Variants in FARP1 observed in about 807,000 individuals in gnomAD.
FARP1 encodes the protein FERM, ARH/RhoGEF and pleckstrin domain protein 1.
FARP1 carries 52 observed loss-of-function variants against 128.8 expected under a neutral mutation model. That is an observed-to-expected ratio of 0.40 (90% confidence interval 0.32 to 0.51). The LOEUF (loss-of-function observed/expected upper bound fraction) is 0.51, where lower values mean the gene tolerates loss of function less well. Among genes scored for constraint, FARP1 ranks in the 20% least tolerant of loss-of-function variants. The pLI is 0.45. For missense variants in FARP1, 1,333 were observed against 1,367.9 expected (o/e 0.97, Z 0.40); for synonymous variants, 580 against 551.8 (o/e 1.05, Z -0.72).
rs771936999 is a variant in FARP1 at position 98,440,828 on chromosome 13, G to A, written c.2788G>A (p.Ala930Thr). Reference protein sequence around the residue: ...TSVSMVDFSIAVENQLSGNLL... With the variant: ...TSVSMVDFSITVENQLSGNLL... ...CGTCTCCATGGTGGACTTCAGCATC[G>A]CAGTGGAGGTACGCAGGGGCAGGGC... The change falls in exon 24 of 27, where the codon GCA (alanine) becomes ACA (threonine). Residue 930 changes from alanine (A) to threonine (T), a missense_variant. By Grantham distance (58) the Ala-to-Thr change is moderately conservative. Transcript: ENST00000319562. 1.6e-5 allele frequency: 25 copies of A among 1,605,798 alleles called. No individual in the cohort carries two copies. Among genetic ancestry groups the A allele is most frequent in the Middle Eastern group, 1.7e-4 (1 of 6,030 alleles).
At chr13:98,336,965 G>A (rs1396559135) in intron 2 of FARP1, among the ~76,000 whole-genome samples, 1 of 152,186 alleles carries the variant, frequency 6.6e-6, no homozygotes, top group East Asian at 1.9e-4. Context: ...GAACCCTTCA[G>A]GAATATTACG....
chr13:98,273,062 A>G (rs755904791), intron 2 of FARP1, among the ~76,000 whole-genome samples: 19 of 152,184 alleles, frequency 1.2e-4, no homozygotes, highest in Non-Finnish European at 2.2e-4. Context: ...TTGGTTTTGT[A>G]TATTTCAGGG....
chr13:98,395,309 A>G lies in FARP1; in HGVS notation c.1247A>G (p.Lys416Arg). ...AGCTGCCGGCGAGGAAAGGAACCGA[A>G]GGTTTCCGCCGGGGAGCCGGGGTCG... is the stretch of plus-strand genomic sequence containing the variant. ...GQSCRRGKEP[K>R]VSAGEPGSHP... The change falls in exon 13 of 27, where the codon AAG (lysine) becomes AGG (arginine). Residue 416 changes from lysine to arginine, a missense_variant. Around this residue, in one of 2 missense-constraint regions of FARP1, gnomAD observed 1,009 missense variants for 969.8 expected, o/e 1.04. Transcript: ENST00000319562. 6.2e-7 allele frequency: 1 copy of G among 1,610,292 alleles called. No homozygotes were observed.
chr13:98,222,285 C>T (rs189985533), intron 2 of FARP1, among the ~76,000 whole-genome samples: 3 of 152,190 alleles, frequency 2.0e-5, no homozygotes. Flanking sequence ...CAAGGTGCTA[C>T]TGGTGATAAG....
chr13:98,410,808 C>G lies in FARP1; in HGVS notation c.1677C>G (p.Leu559=). The change falls in exon 15 of 27, where the codon CTC becomes CTG. Residue 559 remains leucine (L), a synonymous_variant. Coordinates refer to ENST00000319562, the MANE Select transcript of FARP1 (RefSeq NM_005766.4). ...CCGAGCGAACATATCTGAAGGATCT[C>G]GAAGTTATCACTTCGGTATGTGCAG... ...STTERTYLKD[L]EVITSWFQST... The G allele has an allele frequency of 6.3e-7, 1 of 1,579,384 alleles. No individual in the cohort carries two copies. The highest frequency in any genetic ancestry group is 8.7e-7 in the Non-Finnish European group (1 of 1,151,332).
rs897525587 is a variant in FARP1 at position 98,446,522 on chromosome 13, C to T, written c.2905-144C>T. ...CCGGGCCATCACGTACAGGCAAACA[C>T]TGGCTGCCATGGTCCCTTCCAGGCC... On this transcript the variant is annotated intron_variant, in intron 25 of 26. Transcript: ENST00000319562. 3.7e-6 allele frequency: 3 copies of T among 811,258 alleles called. No individual in the cohort carries two copies. In the African/African-American group the frequency reaches 5.1e-5, roughly 14 times the overall value. 50.3% of individuals were successfully genotyped at this position (811,258 alleles called of 1,614,324 possible).
At position 98,451,012 on chromosome 13, in the gene FARP1, GTA is replaced by G. The variant is rs1471845541; in HGVS notation, c.*2697_*2698del. 2 of 152,184 alleles carry G rather than the reference GTA, an allele frequency of 1.3e-5. No homozygotes were observed. The highest frequency in any genetic ancestry group is 4.8e-5 in the African/African-American group (2 of 41,424). 9.4% of individuals were successfully genotyped at this position (152,184 alleles called of 1,614,324 possible). A position where few individuals can be genotyped will look rare whatever the true frequency, so the allele number is the denominator to read the frequency against. ...GTTGCTCTACGGGGGAAGGGGCTGAGTATGATTTGTCTGGCGACTGCAGAGAC... is the reference window on the plus strand; with the variant it reads ...GTTGCTCTACGGGGGAAGGGGCTGAGTGATTTGTCTGGCGACTGCAGAGAC... On this transcript the variant is annotated 3_prime_UTR_variant, in exon 27 of 27. Transcript: ENST00000319562.
intron 2 of FARP1, among the ~76,000 whole-genome samples, chr13:98,299,175 C>T (rs1373004945): frequency 6.6e-6 from 1 of 152,166 alleles, no homozygotes; most frequent in African/African-American, 2.4e-5. Context: ...TTTGAACCGA[C>T]AGCAACTAAA....
intron 2 of FARP1, among the ~76,000 whole-genome samples, chr13:98,262,229 A>G (rs1392115312): frequency 1.3e-5 from 2 of 148,240 alleles, no homozygotes; most frequent in African/African-American, 2.5e-5. Flanking sequence ...CATGTTGTGT[A>G]GGCTGGTCTT....
At chr13:98,194,655 A>C (rs1472146383) in intron 1 of FARP1, among the ~76,000 whole-genome samples, 1 of 152,230 alleles carries the variant, frequency 6.6e-6, no homozygotes, top group African/African-American at 2.4e-5. Flanking sequence ...ATTTTAGATC[A>C]AGTAAAACAC....
chr13:98,168,259 G>A (rs1409600434), intron 1 of FARP1, among the ~76,000 whole-genome samples: 2 of 152,146 alleles, frequency 1.3e-5, no homozygotes, highest in Non-Finnish European at 2.9e-5. Context: ...CAGCTAAACT[G>A]CATCATAAGC....
chr13:98,233,178 A>T (rs941686278), intron 2 of FARP1, among the ~76,000 whole-genome samples: 25 of 152,250 alleles, frequency 1.6e-4, no homozygotes, highest in African/African-American at 6.0e-4. Context: ...GTGTTGTCTA[A>T]TGTTAAGAGG....
intron 2 of FARP1, among the ~76,000 whole-genome samples, chr13:98,331,025 A>G (rs1219160051): frequency 1.3e-5 from 2 of 152,304 alleles, no homozygotes; most frequent in South Asian, 4.1e-4. Context: ...AATCCTGGCC[A>G]TCGATCAGCA....
At chr13:98,251,833 T>C (rs773082990) in intron 2 of FARP1, among the ~76,000 whole-genome samples, 10 of 152,096 alleles carry the variant, frequency 6.6e-5, no homozygotes, top group Admixed American at 1.3e-4. Flanking sequence ...GTAATATAGC[T>C]AATTGTATGT....
At chr13:98,428,881 G>A (rs773531023) in intron 17 of FARP1, among the ~76,000 whole-genome samples, 1 of 152,240 alleles carries the variant, frequency 6.6e-6, no homozygotes, top group African/African-American at 2.4e-5. Context: ...GGGACCACAC[G>A]TGTGATAGCA....
In FARP1 at chr13:98,378,977, CTATATATAATA is replaced by C. The variant is rs1267098958; in HGVS notation, c.496+1075_496+1085del. ...ATATATAATATATACAATATATAAT[CTATATATAATA>C]TATATATAATATATACAATATATAA... On this transcript the variant is annotated intron_variant, in intron 6 of 26. Coordinates refer to ENST00000319562, the MANE Select transcript of FARP1 (RefSeq NM_005766.4). Among the ~76,000 whole-genome samples the C allele has an allele frequency of 3.3e-4, 18 of 54,260 alleles. 4 individuals carry two copies. Among genetic ancestry groups the C allele is most frequent in the African/African-American group, 7.0e-4 (6 of 8,630 alleles). The allele number at this position is 54,260 out of a possible 152,430, so 35.6% of individuals were successfully genotyped here.
intron 6 of FARP1, among the ~76,000 whole-genome samples, chr13:98,379,189 A>C (rs1277382248): frequency 2.8e-5 from 2 of 71,394 alleles, no homozygotes; most frequent in East Asian, 5.0e-4. Context: ...TAATATATAT[A>C]ATATATAATA....
Position 98,409,417 on chromosome 13 carries a change from G to T in FARP1, c.1494G>T (p.Leu498Phe). The change falls in exon 14 of 27, where the codon TTG (leucine) becomes TTT (phenylalanine). Residue 498 changes from leucine to phenylalanine, a missense_variant. This residue lies in a region of FARP1 where 1,009 missense variants were observed against 969.8 expected (regional missense o/e 1.04). Coordinates refer to ENST00000319562, the MANE Select transcript of FARP1 (RefSeq NM_005766.4). The part of the protein sequence containing the change: ...QGGVAPANVT[L>F]SPNLSPDTKQ... ...GAGTGGCCCCTGCCAACGTGACCTT[G>T]TCTCCCAACCTGAGCCCCGACACCA... The T allele has an allele frequency of 3.1e-6, 5 of 1,613,832 alleles. No homozygotes were observed. Among genetic ancestry groups the T allele is most frequent in the Non-Finnish European group, 4.2e-6 (5 of 1,180,002 alleles).
intron 2 of FARP1, among the ~76,000 whole-genome samples, chr13:98,255,834 C>T (rs75677685): frequency 0.048 from 7,273 of 152,226 alleles, 572 homozygotes; most frequent in African/African-American, 0.16. Context: ...AGGCAGAGCT[C>T]ATGTGGGAAG....
Sources: gnomAD v4.1 joint callset for allele counts (sites outside exome capture counted in the v4.1 genomes callset) on GRCh38, gnomAD v4.1.1 for gene constraint, gnomAD v4.1.1 regional missense constraint, MANE v1.5 for transcripts, NCBI Gene and HGNC (gene_info 2026-07-23, HGNC 2026-07-21) for gene names.